The following MAF variants were observed in gnomAD, a reference collection of about 807,000 sequenced individuals.
MAF encodes the protein MAF bZIP transcription factor, also known as transcription factor Maf.
In MAF, 10 loss-of-function variants were observed where a neutral mutation model predicts 22.0. The ratio of observed to expected loss-of-function variants is 0.45; its 90% CI spans 0.28 to 0.77. MAF has a LOEUF of 0.77. Among genes scored for constraint, MAF ranks in the 30% least tolerant of loss-of-function variants. The probability of loss-of-function intolerance (pLI) is 0.12; values close to 1 mark genes in which losing one functional copy is unlikely to be tolerated. For missense variants in MAF, 544 were observed against 548.4 expected (o/e 0.99, Z 0.08); for synonymous variants, 337 against 255.8 (o/e 1.32, Z -3.03).
chr16:79,293,497 C>A, the MAF span, among the ~76,000 whole-genome samples: 1 of 152,052 alleles, frequency 6.6e-6, no homozygotes, highest in African/African-American at 2.4e-5. Flanking sequence ...ACTGCTTTTT[C>A]CTTACAAGAA....
At chr16:79,596,126 T>C (rs905109688) in intron 1 of MAF, 36 of 1,062,204 alleles carry the variant, frequency 3.4e-5, no homozygotes, top group Admixed American at 5.4e-5. Context: ...GTCCGGCTCC[T>C]CTGTCTATGG....
chr16:79,583,760 G>C (rs1361337489), downstream of MAF, among the ~76,000 whole-genome samples: 3 of 152,178 alleles, frequency 2.0e-5, no homozygotes, highest in African/African-American at 7.2e-5. Flanking sequence ...GCCACCTTTA[G>C]CGCGAGGTTA....
At chr16:79,212,959 T>TGTTATTA in the MAF span, 2 of 151,966 alleles carry the variant, frequency 1.3e-5, no homozygotes, top group Non-Finnish European at 2.9e-5. Context: ...TAAGATGTTT[T>TGTTATTA]GTTATTACTT....
chr16:79,243,042 T>A, the MAF span, among the ~76,000 whole-genome samples: 1 of 151,968 alleles, frequency 6.6e-6, no homozygotes, highest in Admixed American at 6.6e-5. Flanking sequence ...CTGGGACACA[T>A]GTAAAGCAGT....
At chr16:79,391,545 T>C in the MAF span, among the ~76,000 whole-genome samples, 8 of 152,194 alleles carry the variant, frequency 5.3e-5, no homozygotes, top group South Asian at 8.3e-4. Flanking sequence ...ACTTCTCAAA[T>C]AGGAGGTTGG....
At chr16:79,450,933 G>A in the MAF span, among the ~76,000 whole-genome samples, 15 of 151,958 alleles carry the variant, frequency 9.9e-5, no homozygotes, top group Admixed American at 3.3e-4. Flanking sequence ...GCAGAGAATA[G>A]ACACTGATGT....
the MAF span, among the ~76,000 whole-genome samples, chr16:79,282,979 G>C: frequency 5.1e-4 from 77 of 152,136 alleles, no homozygotes; most frequent in Non-Finnish European, 8.7e-4. Context: ...ATAAAGCTTT[G>C]GGTTACTCAC....
chr16:79,402,918 G>C, the MAF span, among the ~76,000 whole-genome samples: 2 of 152,206 alleles, frequency 1.3e-5, no homozygotes, highest in Admixed American at 1.3e-4. Flanking sequence ...ATGGGGTTGA[G>C]CTGGGCACAT....
chr16:79,398,053 G>A, the MAF span, among the ~76,000 whole-genome samples: 2 of 152,192 alleles, frequency 1.3e-5, no homozygotes, highest in South Asian at 2.1e-4. Flanking sequence ...GTGGTTTCAG[G>A]TTCGCATTCC....
the MAF span, among the ~76,000 whole-genome samples, chr16:79,555,925 T>C: frequency 2.0e-5 from 3 of 152,212 alleles, no homozygotes; most frequent in African/African-American, 7.2e-5. Flanking sequence ...TAGATGTAGA[T>C]AACTGCAAGG....
At chr16:79,374,604 A>G in the MAF span, among the ~76,000 whole-genome samples, 14 of 152,192 alleles carry the variant, frequency 9.2e-5, no homozygotes, top group Non-Finnish European at 1.6e-4. Flanking sequence ...CTATTATAGG[A>G]CTGCCACAAT....
the MAF span, among the ~76,000 whole-genome samples, chr16:79,546,568 A>T: frequency 1.6e-4 from 25 of 152,208 alleles, no homozygotes; most frequent in Non-Finnish European, 2.6e-4. Context: ...GTTAAGAAAA[A>T]TAAGTTGGCT....
the MAF span, among the ~76,000 whole-genome samples, chr16:79,248,160 T>C: frequency 5.1e-4 from 74 of 145,852 alleles, 1 homozygote; most frequent in African/African-American, 1.9e-3. Flanking sequence ...TTAGATACAC[T>C]GGAATTACTT....
chr16:79,584,641 T>G (rs867447611), downstream of MAF, among the ~76,000 whole-genome samples: 2 of 152,300 alleles, frequency 1.3e-5, no homozygotes, highest in Middle Eastern at 3.4e-3. Context: ...ATAGGAGGTT[T>G]TCACATTGTA....
chr16:79,597,890 A>G (rs2143785389), intron 1 of MAF: 1 of 1,037,520 alleles, frequency 9.6e-7, no homozygotes, highest in South Asian at 4.6e-5. Context: ...AGCAAGCATA[A>G]TAATGCATGA....
the MAF span, among the ~76,000 whole-genome samples, chr16:79,299,602 G>A: frequency 6.6e-6 from 1 of 151,848 alleles, no homozygotes; most frequent in African/African-American, 2.4e-5. Context: ...AAATTTTGTT[G>A]CTCTGAGCAT....
chr16:79,316,721 A>C, the MAF span, among the ~76,000 whole-genome samples: 3 of 152,206 alleles, frequency 2.0e-5, no homozygotes, highest in Non-Finnish European at 2.9e-5. Flanking sequence ...CTTATAGAAT[A>C]TTCAGTTGGC....
At chr16:79,529,592 A>G in the MAF span, among the ~76,000 whole-genome samples, 2 of 152,228 alleles carry the variant, frequency 1.3e-5, no homozygotes, top group Non-Finnish European at 2.9e-5. Flanking sequence ...ATTTATGGAT[A>G]CGTGTCAGCA....
chr16:79,346,868 A>C, the MAF span, among the ~76,000 whole-genome samples: 1 of 152,208 alleles, frequency 6.6e-6, no homozygotes, highest in African/African-American at 2.4e-5. Flanking sequence ...GAATTGGCAG[A>C]TGATGCTGTT....
Sources: gnomAD v4.1 joint callset for allele counts (sites outside exome capture counted in the v4.1 genomes callset) on GRCh38, gnomAD v4.1.1 for gene constraint, MANE v1.5 for transcripts, NCBI Gene and HGNC (gene_info 2026-07-23, HGNC 2026-07-21) for gene names.